POC1A: variants seen among roughly 807,000 people sequenced by gnomAD.
POC1A encodes POC1 centriolar protein homolog A.
In POC1A, 34 loss-of-function variants were observed where a neutral mutation model predicts 47.8. The ratio of observed to expected loss-of-function variants is 0.71; its 90% confidence interval spans 0.54 to 0.95. The LOEUF (loss-of-function observed/expected upper bound fraction) is 0.95, where lower values mean the gene tolerates loss of function less well. Among genes scored for constraint, POC1A ranks in the 40% least tolerant of loss-of-function variants. The pLI is 0.00. For synonymous variants in POC1A, 177 were observed against 207.6 expected (o/e 0.85, Z 1.27); for missense variants, 466 against 528.3 (o/e 0.88, Z 1.16).
At chr3:52,095,135 TG>T (rs943845132) in intron 10 of POC1A, among the ~76,000 whole-genome samples, 1 of 152,224 alleles carries the variant, frequency 6.6e-6, no homozygotes, top group African/African-American at 2.4e-5. Flanking sequence ...TTGGCGAGGC[TG>T]TGAAAAACAT....
At chr3:52,119,121 C>CTGG (rs1553742815) in intron 9 of POC1A, among the ~76,000 whole-genome samples, 2 of 152,022 alleles carry the variant, frequency 1.3e-5, no homozygotes, top group Non-Finnish European at 2.9e-5. Flanking sequence ...ATTGCTGCTG[C>CTGG]TGGTGGAAGC....
chr3:52,108,894 C>A (rs1026815857), intron 9 of POC1A, among the ~76,000 whole-genome samples: 1 of 152,188 alleles, frequency 6.6e-6, no homozygotes, highest in Admixed American at 6.5e-5. Context: ...ACAGCCAGTG[C>A]CCCCCAGCGG....
At chr3:52,143,131 G>A (rs1310399232) in intron 6 of POC1A, among the ~76,000 whole-genome samples, 2 of 151,086 alleles carry the variant, frequency 1.3e-5, no homozygotes, top group Non-Finnish European at 3.0e-5. Context: ...CTACACTAGG[G>A]GTGGCTTAGG....
chr3:52,100,755 CA>C (rs904173786), intron 9 of POC1A, among the ~76,000 whole-genome samples: 4 of 149,400 alleles, frequency 2.7e-5, no homozygotes, highest in Admixed American at 6.7e-5. Flanking sequence ...GCTTTCATGA[CA>C]AAAAAAAATG....
At chr3:52,148,782 G>T (rs1412121114) in intron 4 of POC1A, among the ~76,000 whole-genome samples, 1 of 152,216 alleles carries the variant, frequency 6.6e-6, no homozygotes, top group African/African-American at 2.4e-5. Flanking sequence ...TGTGCTCTGG[G>T]ACAAGATACT....
chr3:52,109,515 G>A (rs1170001701), intron 9 of POC1A, among the ~76,000 whole-genome samples: 3 of 151,858 alleles, frequency 2.0e-5, no homozygotes, highest in Non-Finnish European at 4.4e-5. Flanking sequence ...AAACCTTCCT[G>A]GTGACTGAAA....
intron 9 of POC1A, among the ~76,000 whole-genome samples, chr3:52,105,730 T>G (rs1703154539): frequency 6.6e-6 from 1 of 152,218 alleles, no homozygotes; most frequent in South Asian, 2.1e-4. Context: ...AATTCTGCTT[T>G]CCTAAAACCA....
intron 9 of POC1A, among the ~76,000 whole-genome samples, chr3:52,112,093 CA>C (rs903507987): frequency 6.6e-6 from 1 of 152,234 alleles, no homozygotes; most frequent in African/African-American, 2.4e-5. Context: ...TGGTTGTAAA[CA>C]GAGCCTTGGT....
chr3:52,082,530 AG>A (rs944219140), intron 10 of POC1A, among the ~76,000 whole-genome samples: 7 of 152,210 alleles, frequency 4.6e-5, no homozygotes, highest in Non-Finnish European at 7.4e-5. Flanking sequence ...CCCCCAGGAG[AG>A]GGTGAACAAT....
At chr3:52,127,616 A>T (rs1704056892) in intron 7 of POC1A, among the ~76,000 whole-genome samples, 1 of 150,768 alleles carries the variant, frequency 6.6e-6, no homozygotes, top group Non-Finnish European at 1.5e-5. Context: ...GATGGTCTCG[A>T]TCTCCTGACC....
chr3:52,119,663 T>G (rs910684658), intron 9 of POC1A, among the ~76,000 whole-genome samples: 6 of 152,194 alleles, frequency 3.9e-5, no homozygotes, highest in Non-Finnish European at 8.8e-5. Context: ...CTCAAAGTGC[T>G]GAGATTACAG....
chr3:52,093,364 G>A (rs1250923182), intron 10 of POC1A, among the ~76,000 whole-genome samples: 1 of 152,172 alleles, frequency 6.6e-6, no homozygotes, highest in East Asian at 1.9e-4. Flanking sequence ...CTGCTCTGAG[G>A]GCCAAGGAAT....
rs574936910 is a variant in POC1A at position 52,151,948 on chromosome 3, T to A, written c.19-848A>T. Among the ~76,000 whole-genome samples, 163 of 151,742 alleles carry A rather than the reference T, an allele frequency of 1.1e-3. 1 individual carries two copies. The highest frequency in any genetic ancestry group is 3.9e-3 in the African/African-American group (163 of 41,354). On this transcript the variant is annotated intron_variant, in intron 1 of 10. Coordinates refer to ENST00000296484, the MANE Select transcript of POC1A (RefSeq NM_015426.5). ...CAAACGAACAAACAAAAAACACAGA[T>A]ACTATAGAAAGTAATTTGGCAGTTC...
rs369979799 is a variant in POC1A, at chr3:52,082,658, A to G, written c.1126-6673T>C. Reference sequence around the variant, plus strand: ...CTCACTCACAGTTCAAGACGTGTAAAACGTTTTATGTAACACCTTAAAGGG... The same window carrying G: ...CTCACTCACAGTTCAAGACGTGTAAGACGTTTTATGTAACACCTTAAAGGG... On this transcript the variant is annotated intron_variant, in intron 10 of 10. Transcript: ENST00000296484. 2.4e-4 allele frequency among the ~76,000 whole-genome samples: 37 copies of G among 152,272 alleles called. 1 individual carries two copies. In the South Asian group the frequency reaches 5.6e-3, roughly 23 times the overall value.
At chr3:52,150,095 G>A (rs982664864) in intron 2 of POC1A, 108 bp from the exon 3 acceptor site, 2 of 858,472 alleles carry the variant, frequency 2.3e-6, no homozygotes, top group African/African-American at 1.7e-5. Context: ...ATCTTCCCTG[G>A]CATCCACAAA....
At chr3:52,124,412 C>T (rs1050117327) in intron 8 of POC1A, among the ~76,000 whole-genome samples, 18 of 152,240 alleles carry the variant, frequency 1.2e-4, no homozygotes, top group African/African-American at 4.3e-4. Context: ...CCAGGGCTGA[C>T]AGGCTGAAGC....
chr3:52,149,015 C>T (rs762950158), intron 4 of POC1A, among the ~76,000 whole-genome samples, 195 bp downstream of exon 4: 1 of 152,164 alleles, frequency 6.6e-6, no homozygotes, highest in Non-Finnish European at 1.5e-5. Flanking sequence ...TGCATCAGCT[C>T]CATGAAGCTT....
In POC1A at chr3:52,075,720, T is replaced by A; in HGVS notation, c.*167A>T. ...ACCTCTGGCTGCCAGGTGGAGAGCCTCCTGGTGCAGATAGCAAGGTGGAGG... is the reference window on the plus strand; with the variant it reads ...ACCTCTGGCTGCCAGGTGGAGAGCCACCTGGTGCAGATAGCAAGGTGGAGG... On this transcript the variant is annotated 3_prime_UTR_variant, in exon 11 of 11. Transcript: ENST00000296484. 1 of 608,980 alleles carries A rather than the reference T, an allele frequency of 1.6e-6. No homozygotes were observed. The highest frequency in any genetic ancestry group is 3.0e-6 in the Non-Finnish European group (1 of 329,030). The allele number at this position is 608,980 out of a possible 1,614,324, so 37.7% of individuals were successfully genotyped here. A position where few individuals can be genotyped will look rare whatever the true frequency, so the allele number is the denominator to read the frequency against.
chr3:52,098,485 C>T (rs1702892515), intron 9 of POC1A, among the ~76,000 whole-genome samples: 1 of 152,136 alleles, frequency 6.6e-6, no homozygotes, highest in Non-Finnish European at 1.5e-5. Context: ...CTGGATGAGC[C>T]AAAGCTGAGC....
Sources: allele counts gnomAD v4.1 joint callset (sites outside exome capture counted in the v4.1 genomes callset), GRCh38; gene constraint gnomAD v4.1.1; transcripts MANE v1.5; gene names NCBI Gene and HGNC (gene_info 2026-07-23, HGNC 2026-07-21).